Variants in CACNA2D1 observed in about 807,000 individuals in gnomAD.
CACNA2D1 encodes the protein voltage-dependent calcium channel subunit alpha-2/delta-1.
In CACNA2D1, 53 loss-of-function variants were observed where a neutral mutation model predicts 171.5. The observed-to-expected ratio is 0.31, with a 90% CI of 0.25 to 0.39. CACNA2D1 has a LOEUF of 0.39. Among genes scored for constraint, CACNA2D1 ranks in the 10% least tolerant of loss-of-function variants. The pLI is 1.00. For synonymous variants in CACNA2D1, 442 were observed against 443.1 expected, an observed-to-expected ratio of 1.00 and a Z score of 0.03; for missense variants, 903 against 1,299.8, an observed-to-expected ratio of 0.69 and a Z score of 4.69.
intron 6 of CACNA2D1, among the ~76,000 whole-genome samples, chr7:82,111,567 C>T (rs1282378676): frequency 6.0e-5 from 9 of 150,414 alleles, no homozygotes; most frequent in African/African-American, 2.0e-4. Context: ...CCAACCTCTG[C>T]CTTCCAAGGA....
At chr7:82,154,005 G>A (rs1794110226) in intron 4 of CACNA2D1, among the ~76,000 whole-genome samples, 1 of 152,124 alleles carries the variant, frequency 6.6e-6, no homozygotes, top group South Asian at 2.1e-4. Context: ...TGACAGACTG[G>A]GAGAAAAGGA....
chr7:82,433,060 C>G (rs556406848), intron 1 of CACNA2D1, among the ~76,000 whole-genome samples: 2 of 151,950 alleles, frequency 1.3e-5, no homozygotes, highest in East Asian at 3.9e-4. Context: ...TGGTGGCGTG[C>G]GCCTGTAGTC....
intron 10 of CACNA2D1, among the ~76,000 whole-genome samples, chr7:82,053,814 A>G (rs1031943481): frequency 1.3e-5 from 2 of 152,306 alleles, no homozygotes; most frequent in African/African-American, 4.8e-5. Flanking sequence ...TGAGGTGCAT[A>G]CTTCCAGGTG....
At chr7:82,253,366 A>G (rs1275131653) in intron 3 of CACNA2D1, among the ~76,000 whole-genome samples, 1 of 152,180 alleles carries the variant, frequency 6.6e-6, no homozygotes, top group Admixed American at 6.5e-5. Flanking sequence ...CCATGGCCAG[A>G]CTTCTACATT....
chr7:82,292,070 G>A (rs1811712067), intron 3 of CACNA2D1, among the ~76,000 whole-genome samples: 1 of 151,670 alleles, frequency 6.6e-6, no homozygotes, highest in South Asian at 2.1e-4. Context: ...CTTTTAGGTA[G>A]TTCTATAATT....
intron 5 of CACNA2D1, among the ~76,000 whole-genome samples, chr7:82,135,779 T>C (rs1237906323): frequency 6.6e-6 from 1 of 152,156 alleles, no homozygotes; most frequent in Non-Finnish European, 1.5e-5. Flanking sequence ...ATTATTTTGA[T>C]TCGGATGAGA....
intron 1 of CACNA2D1, among the ~76,000 whole-genome samples, chr7:82,396,479 T>C (rs377136591): frequency 1.3e-5 from 2 of 152,318 alleles, no homozygotes; most frequent in East Asian, 1.9e-4. Context: ...TTAAATCACC[T>C]AAGGTTTCTT....
chr7:82,235,970 A>G (rs967578461), intron 3 of CACNA2D1, among the ~76,000 whole-genome samples: 4 of 152,074 alleles, frequency 2.6e-5, no homozygotes, highest in Admixed American at 6.6e-5. Context: ...CTATATGCGG[A>G]TGACTATGTG....
intron 12 of CACNA2D1, among the ~76,000 whole-genome samples, chr7:82,030,581 A>G (rs1330154105): frequency 6.6e-6 from 1 of 151,828 alleles, no homozygotes; most frequent in African/African-American, 2.4e-5. Flanking sequence ...TCTTTGAGTC[A>G]AAAACTTTTC....
chr7:81,958,736 G>T (rs1383718269), intron 38 of CACNA2D1, among the ~76,000 whole-genome samples: 1 of 151,744 alleles, frequency 6.6e-6, no homozygotes, highest in Non-Finnish European at 1.5e-5. Context: ...ACTAGAAAAA[G>T]AAATTAGTAC....
chr7:82,102,348 T>G (rs1346843519), intron 6 of CACNA2D1, among the ~76,000 whole-genome samples: 1 of 152,082 alleles, frequency 6.6e-6, no homozygotes, highest in East Asian at 1.9e-4. Flanking sequence ...TTAAATCAAT[T>G]CATTAGTAAT....
At chr7:81,974,310 A>C in intron 25 of CACNA2D1, 145 bp downstream of exon 25, 1 of 533,202 alleles carries the variant, frequency 1.9e-6, no homozygotes, top group Non-Finnish European at 3.4e-6. Context: ...ATTAAGGATC[A>C]AATTGTTACA....
chr7:81,958,757 AATAATAGAAGTCT>A (rs1425565480), intron 38 of CACNA2D1, among the ~76,000 whole-genome samples: 1 of 152,000 alleles, frequency 6.6e-6, no homozygotes, highest in Non-Finnish European at 1.5e-5. Context: ...AATTAAAGGA[AATAATAGAAGTCT>A]AATATGTGAT....
At chr7:82,209,525 C>T (rs755613153) in intron 3 of CACNA2D1, among the ~76,000 whole-genome samples, 6 of 152,058 alleles carry the variant, frequency 3.9e-5, no homozygotes, top group South Asian at 2.1e-4. Context: ...CATATACCAA[C>T]GGTGTCAATC....
intron 7 of CACNA2D1, among the ~76,000 whole-genome samples, chr7:82,074,705 T>C (rs888049361): frequency 2.0e-5 from 3 of 152,208 alleles, no homozygotes; most frequent in Admixed American, 1.3e-4. Context: ...GCCTTGTTCT[T>C]ATCAGTCTTT....
rs775484178 is a variant in CACNA2D1 at position 82,005,500 on chromosome 7, G to T, written c.1516-3C>A. On this transcript the variant is annotated splice_region_variant and splice_polypyrimidine_tract_variant and intron_variant, in intron 17 of 38. Transcript: ENST00000356860. ...AAGTAATACCCATTGGGGCACAGCT[G>T]GAAAAGAAAAAAAAAAAAAAGCTTG... 7 of 1,549,212 alleles carry T rather than the reference G, an allele frequency of 4.5e-6. No individual in the cohort carries two copies. The highest frequency in any genetic ancestry group is 1.9e-5 in the Admixed American group (1 of 52,434).
intron 3 of CACNA2D1, among the ~76,000 whole-genome samples, chr7:82,278,841 G>C (rs1440109633): frequency 6.6e-6 from 1 of 152,084 alleles, no homozygotes; most frequent in Non-Finnish European, 1.5e-5. Flanking sequence ...ATACAGAGGG[G>C]TAAGACTTAA....
At chr7:82,153,680 T>C (rs1411851624) in intron 4 of CACNA2D1, among the ~76,000 whole-genome samples, 3 of 152,108 alleles carry the variant, frequency 2.0e-5, no homozygotes, top group African/African-American at 7.2e-5. Flanking sequence ...TACTTCTTGA[T>C]GTTTAATTGA....
chr7:82,136,748 T>A, intron 4 of CACNA2D1, 72 bp from the exon 5 acceptor site: 1 of 1,006,944 alleles, frequency 9.9e-7, no homozygotes, highest in South Asian at 1.5e-5. Flanking sequence ...ATACATTTTA[T>A]GCATATTATA....
Sources: allele counts gnomAD v4.1 joint callset (sites outside exome capture counted in the v4.1 genomes callset), GRCh38; gene constraint gnomAD v4.1.1; transcripts MANE v1.5; gene names NCBI Gene and HGNC (gene_info 2026-07-23, HGNC 2026-07-21).